Variants in ZMYM4 observed in about 807,000 individuals in gnomAD.
The protein encoded by ZMYM4 is zinc finger MYM-type protein 4.
A neutral mutation model predicts 183.2 loss-of-function variants in ZMYM4; 31 were observed. The observed-to-expected ratio is 0.17, with a 90% CI of 0.13 to 0.23. The LOEUF (loss-of-function observed/expected upper bound fraction) is 0.23, where lower values mean the gene tolerates loss of function less well. Among genes scored for constraint, ZMYM4 ranks in the 10% least tolerant of loss-of-function variants. ZMYM4 has a pLI of 1.00. For missense variants in ZMYM4, 1,273 were observed against 1,840.3 expected, an observed-to-expected ratio of 0.69 and a Z score of 5.64; for synonymous variants, 592 against 631.2, an observed-to-expected ratio of 0.94 and a Z score of 0.93.
At chr1:35,342,295 C>T (rs371784506) in intron 2 of ZMYM4, among the ~76,000 whole-genome samples, 1 of 151,874 alleles carries the variant, frequency 6.6e-6, no homozygotes, top group East Asian at 2.0e-4. Flanking sequence ...GCTGGGACCA[C>T]AGGCATGTGC....
chr1:35,300,422 C>G (rs1055612391), intron 1 of ZMYM4, among the ~76,000 whole-genome samples: 3 of 152,186 alleles, frequency 2.0e-5, no homozygotes, highest in African/African-American at 7.2e-5. Flanking sequence ...AACTTCTGCA[C>G]AGGGTTCATT....
intron 1 of ZMYM4, among the ~76,000 whole-genome samples, chr1:35,274,604 TG>T (rs1450165975): frequency 4.2e-5 from 6 of 141,878 alleles, no homozygotes; most frequent in East Asian, 2.4e-4. Context: ...AGAGAGACAC[TG>T]TTTTTTTTTT....
At position 35,389,899 on chromosome 1, in the gene ZMYM4, G is replaced by T; in HGVS notation, c.2437-49G>T. The T allele has an allele frequency of 6.4e-7, 1 of 1,562,438 alleles. No homozygotes were observed. The highest frequency in any genetic ancestry group is 1.2e-5 in the South Asian group (1 of 84,602). The stretch of plus-strand genomic sequence containing the variant: ...TGTGTGTCTTATTTTTATTTTGTCA[G>T]ACCACAGATAATTTGTTTCTTACTC... On this transcript the variant is annotated intron_variant, in intron 14 of 29. Transcript: ENST00000314607. This position sits in a 1 kb window ranked among gnomAD's most constrained non-coding sequence, Gnocchi z 4.0.
chr1:35,338,066 ATTGT>A (rs1308124493), intron 2 of ZMYM4, among the ~76,000 whole-genome samples: 1 of 152,126 alleles, frequency 6.6e-6, no homozygotes, highest in Non-Finnish European at 1.5e-5. Context: ...TGTTCTTTTG[ATTGT>A]TTTTTAAACT....
At chr1:35,382,286 A>G (rs891895115) in intron 9 of ZMYM4, among the ~76,000 whole-genome samples, 6 of 150,748 alleles carry the variant, frequency 4.0e-5, no homozygotes, top group Non-Finnish European at 1.5e-5. Flanking sequence ...GTATATATAC[A>G]TATAGAGAGA....
At chr1:35,400,232 C>T (rs1433823694) in intron 23 of ZMYM4, 2 of 83,600 alleles carry the variant, frequency 2.4e-5, no homozygotes, top group East Asian at 5.5e-4. Flanking sequence ...GACGGAGTTT[C>T]GCTCTGTCAC....
At chr1:35,373,158 C>CA (rs201287215) in intron 7 of ZMYM4, among the ~76,000 whole-genome samples, 34 of 145,892 alleles carry the variant, frequency 2.3e-4, no homozygotes, top group African/African-American at 7.3e-4. Context: ...GACTCTATCT[C>CA]AAAAAAAAAG....
chr1:35,290,245 G>A (rs1488448557), intron 1 of ZMYM4, among the ~76,000 whole-genome samples: 4 of 152,160 alleles, frequency 2.6e-5, no homozygotes, highest in Non-Finnish European at 5.9e-5. Context: ...TGGGATTACA[G>A]GCGTGAGCCA....
chr1:35,298,185 A>T (rs1395537126), intron 1 of ZMYM4, among the ~76,000 whole-genome samples: 2 of 152,200 alleles, frequency 1.3e-5, no homozygotes, highest in Admixed American at 1.3e-4. Flanking sequence ...CTGGCAATTA[A>T]AAAATGCCCC....
At chr1:35,324,270 A>AACTTTTTGTCTAGAGATGAGGTT (rs1642413915) in intron 1 of ZMYM4, among the ~76,000 whole-genome samples, 1 of 151,824 alleles carries the variant, frequency 6.6e-6, no homozygotes, top group Non-Finnish European at 1.5e-5. Context: ...TATCTTTTCC[A>AACTTTTTGTCTAGAGATGAGGTT]ACTTTTTGTC....
At chr1:35,271,087 T>A (rs1294115615) in intron 1 of ZMYM4, among the ~76,000 whole-genome samples, 2 of 152,196 alleles carry the variant, frequency 1.3e-5, no homozygotes, top group Non-Finnish European at 2.9e-5. Flanking sequence ...AGATCCTTAC[T>A]GTGCTTGGAT....
rs142314196 is a variant in ZMYM4 at position 35,413,954 on chromosome 1, CT to C, written c.3949-8del. 7,660 of 1,181,626 alleles carry C rather than the reference CT, an allele frequency of 6.5e-3. 67 individuals are homozygous for C. Among genetic ancestry groups the C allele is most frequent in the African/African-American group, 0.052 (3,236 of 62,822 alleles). 73.2% of individuals were successfully genotyped at this position (1,181,626 alleles called of 1,614,324 possible). ...TTCTTTTTATCAACATGTATATTTT[CT>C]TTTTTTTTTCTTGTAGTACCTGTTT... On this transcript the variant is annotated splice_polypyrimidine_tract_variant and intron_variant, in intron 26 of 29. Transcript: ENST00000314607.
chr1:35,293,550 C>T (rs1336579927), intron 1 of ZMYM4, among the ~76,000 whole-genome samples: 3 of 152,098 alleles, frequency 2.0e-5, no homozygotes, highest in African/African-American at 7.2e-5. Flanking sequence ...CTCCTGACCT[C>T]AGGTGATCCA....
chr1:35,348,327 T>C (rs1643474417), intron 2 of ZMYM4, among the ~76,000 whole-genome samples: 1 of 152,368 alleles, frequency 6.6e-6, no homozygotes, highest in Admixed American at 6.5e-5. Flanking sequence ...TTTGAAACAC[T>C]GTTAGAAATA....
intron 1 of ZMYM4, among the ~76,000 whole-genome samples, chr1:35,282,223 G>GA (rs1640207346): frequency 6.6e-6 from 1 of 152,208 alleles, no homozygotes; most frequent in Non-Finnish European, 1.5e-5. Context: ...ATTAGGAGGT[G>GA]GGCCCTAGTG....
At chr1:35,345,131 G>A (rs1643345193) in intron 2 of ZMYM4, among the ~76,000 whole-genome samples, 1 of 152,218 alleles carries the variant, frequency 6.6e-6, no homozygotes, top group South Asian at 2.1e-4. Flanking sequence ...TGTGATGGGT[G>A]CAGAACTGAA....
chr1:35,410,223 C>A (rs1639826356), intron 26 of ZMYM4, among the ~76,000 whole-genome samples: 1 of 152,146 alleles, frequency 6.6e-6, no homozygotes, highest in Non-Finnish European at 1.5e-5. Context: ...CAGGGCCCCA[C>A]TGCCAACATT....
At chr1:35,320,673 G>C (rs1281482548) in intron 1 of ZMYM4, among the ~76,000 whole-genome samples, 2 of 152,110 alleles carry the variant, frequency 1.3e-5, no homozygotes, top group Non-Finnish European at 2.9e-5. Context: ...CAACCTGTGG[G>C]ATCTTACTCT....
At chr1:35,394,966 T>C (rs915642494) in intron 18 of ZMYM4, among the ~76,000 whole-genome samples, 31 of 151,946 alleles carry the variant, frequency 2.0e-4, no homozygotes, top group Non-Finnish European at 5.9e-5. Flanking sequence ...TTTTTAAAAG[T>C]CCCAGAATTT....
Sources: gnomAD v4.1 joint callset for allele counts (sites outside exome capture counted in the v4.1 genomes callset) on GRCh38, gnomAD v4.1.1 for gene constraint, Gnocchi (gnomAD v3.1) non-coding constraint, MANE v1.5 for transcripts, NCBI Gene and HGNC (gene_info 2026-07-23, HGNC 2026-07-21) for gene names.